The following EIF3G variants were observed in gnomAD, a reference collection of about 807,000 sequenced individuals.
EIF3G encodes the protein eukaryotic translation initiation factor 3 RNA-binding subunit.
Under a neutral mutation model 41.7 loss-of-function variants are expected in EIF3G, and 10 were observed. The observed-to-expected ratio is 0.24, with a 90% CI of 0.15 to 0.41. The LOEUF (loss-of-function observed/expected upper bound fraction) is 0.41. Ranked by LOEUF, EIF3G falls within the 10% of genes least tolerant of loss-of-function variation. The pLI, the probability that EIF3G is intolerant of heterozygous loss-of-function variation, is 1.00. For synonymous variants in EIF3G, 204 were observed against 172.5 expected (o/e 1.18, Z -1.43); for missense variants, 297 against 444.0 (o/e 0.67, Z 2.98).
intron 9 of EIF3G, 29 bp from the exon 10 acceptor site, chr19:10,115,614 C>G: frequency 6.2e-7 from 1 of 1,610,826 alleles, no homozygotes; most frequent in Non-Finnish European, 8.5e-7. Context: ...GGGTCGGGCA[C>G]GAGCTAGGAC....
chr19:10,115,324 T>G, intron 10 of EIF3G, 155 bp downstream of exon 10: 1 of 1,124,058 alleles, frequency 8.9e-7, no homozygotes, highest in Non-Finnish European at 1.2e-6. Context: ...CTGCCACCCC[T>G]CTGCCCGGTT....
rs1224573301 is a variant in EIF3G at position 10,119,695 on chromosome 19, T to C, written c.26A>G (p.Lys9Arg). ...CTCCACCTGGTCGGCCCAACTGGGCTTCGAACTGCGGAAACAAATGTGTGG... is the reference window on the plus strand; with the variant it reads ...CTCCACCTGGTCGGCCCAACTGGGCCTCGAACTGCGGAAACAAATGTGTGG... MPTGDFDS[K>R]PSWADQVEEE... Residue 9 changes from lysine (K) to arginine (R), a missense_variant, in exon 2 of 11, where the codon AAG becomes AGG. This residue lies in a region of EIF3G where 147 missense variants were observed against 162.4 expected (regional missense o/e 0.91). Transcript: ENST00000253108. 4 of 1,604,198 alleles carry C rather than the reference T, an allele frequency of 2.5e-6. No homozygotes were observed. In the African/African-American group the frequency reaches 5.3e-5, roughly 21 times the overall value.
At position 10,115,779 on chromosome 19, in the gene EIF3G, C is replaced by T. The variant is rs766409457; in HGVS notation, c.745G>A (p.Asp249Asn). ...TCCTGCAGGTCGGTCTCACGCGTGT[C>T]CTCTGACAAGTTGGTGACACGGATG... The part of the protein sequence containing the change: ...ATIRVTNLSE[D>N]TRETDLQELF... Residue 249 changes from aspartate (D) to asparagine (N), a missense_variant, in exon 9 of 11, where the codon GAC becomes AAC. Transcript: ENST00000253108. 1 of 1,614,028 alleles carries T rather than the reference C, an allele frequency of 6.2e-7. No homozygotes were observed. Among genetic ancestry groups the T allele is most frequent in the Non-Finnish European group, 8.5e-7 (1 of 1,180,040 alleles).
chr19:10,119,502 G>A (rs1309803830), intron 2 of EIF3G, 152 bp downstream of exon 2: 1 of 988,462 alleles, frequency 1.0e-6, no homozygotes, highest in Non-Finnish European at 1.6e-6. Flanking sequence ...GGGAACACCT[G>A]GAGTTGGCAA....
chr19:10,116,845 C>T lies in EIF3G; in HGVS notation c.550G>A (p.Glu184Lys), dbSNP rs1315028177. Residue 184 changes from glutamate to lysine, a missense_variant, in exon 7 of 11, where the codon GAG (glutamate) becomes AAG (lysine). By Grantham distance (56) the Glu-to-Lys change is moderately conservative. Coordinates refer to ENST00000253108, the MANE Select transcript of EIF3G (RefSeq NM_003755.5). This position sits in a 1 kb window ranked among gnomAD's most constrained non-coding sequence, Gnocchi z 4.1. ...TCGCCAGTAGACAGGCCCAGCTGCT[C>T]GGCCAGCTCCTTCTGCATGGGCCCC... ...TLGPMQKELA[E>K]QLGLSTGEKE... The T allele has an allele frequency of 1.9e-6, 3 of 1,610,248 alleles. No individual in the cohort carries two copies. Among genetic ancestry groups the T allele is most frequent in the Admixed American group, 1.7e-5 (1 of 59,750 alleles).
intron 8 of EIF3G, 57 bp downstream of exon 8, chr19:10,115,910 A>T: frequency 6.2e-7 from 1 of 1,605,398 alleles, no homozygotes; most frequent in Non-Finnish European, 8.5e-7. Flanking sequence ...CTTCGGGGAT[A>T]ATTACGAGGT....
intron 5 of EIF3G, chr19:10,117,392 C>A (rs2089268873): frequency 2.3e-5 from 13 of 555,896 alleles, no homozygotes; most frequent in Non-Finnish European, 3.8e-5. Context: ...GGCAGGGCAG[C>A]TGTCAGCCTC....
Position 10,119,117 on chromosome 19 carries a change from G to C in EIF3G, c.122C>G (p.Thr41Ser). 6.2e-7 allele frequency: 1 copy of C among 1,602,594 alleles called. No individual in the cohort carries two copies. The highest frequency in any genetic ancestry group is 8.5e-7 in the Non-Finnish European group (1 of 1,174,088). ...LKGIPLATGD[T>S]SPEPELLPGA... ...CGGCAGTAGCTCTGGCTCTGGGCTG[G>C]TGTCACCTGTGGCCAGAGGGATCCC... Residue 41 changes from threonine to serine, a missense_variant, in exon 3 of 11, where the codon ACC (threonine) becomes AGC (serine). This residue lies in a region of EIF3G where 147 missense variants were observed against 162.4 expected (regional missense o/e 0.91). Transcript: ENST00000253108.
rs376608627 is a variant in EIF3G, at chr19:10,115,468, T to C, written c.947+11A>G. On this transcript the variant is annotated intron_variant, in intron 10 of 10. Transcript: ENST00000253108. Reference sequence around the variant, plus strand: ...CAGGGAGCAGGGGCTGGGGCAGGGATGGAGTCTTACTTGGCCCACTCGACG... The same window carrying C: ...CAGGGAGCAGGGGCTGGGGCAGGGACGGAGTCTTACTTGGCCCACTCGACG... 3.0e-5 allele frequency: 48 copies of C among 1,600,144 alleles called. No individual in the cohort carries two copies. In the African/African-American group the frequency reaches 4.5e-4, roughly 15 times the overall value.
At position 10,116,211 on chromosome 19, in the gene EIF3G, G is replaced by A. The variant is rs141568741; in HGVS notation, c.596-137C>T. 6.3e-4 allele frequency: 506 copies of A among 801,854 alleles called. 3 individuals are homozygous for A. The African/African-American group carries it at 7.5e-3, about 12-fold the overall frequency. The allele number at this position is 801,854 out of a possible 1,614,324, so 49.7% of individuals were successfully genotyped here. On this transcript the variant is annotated intron_variant, in intron 7 of 10. Coordinates refer to ENST00000253108, the MANE Select transcript of EIF3G (RefSeq NM_003755.5). The surrounding 1 kb of genome is among the most constrained non-coding windows in gnomAD (Gnocchi z 4.1). ...AAACCACAGGCAGCCAGTTGGCCAC[G>A]AGGACACCAAGGTGACACCTGAGAA...
chr19:10,115,915 C>T (rs2089238521), intron 8 of EIF3G, 52 bp downstream of exon 8: 12 of 1,605,418 alleles, frequency 7.5e-6, no homozygotes, highest in African/African-American at 2.7e-5. Flanking sequence ...GGGATAATTA[C>T]GAGGTGCCGG....
intron 5 of EIF3G, chr19:10,118,466 G>C (rs898526914): frequency 2.7e-5 from 16 of 588,814 alleles, no homozygotes; most frequent in Non-Finnish European, 3.3e-5. Flanking sequence ...TCGGGAGGCT[G>C]AGGCAGGAGA....
intron 10 of EIF3G, 52 bp downstream of exon 10, chr19:10,115,427 A>G: frequency 6.5e-7 from 1 of 1,548,706 alleles, no homozygotes; most frequent in Non-Finnish European, 8.8e-7. Context: ...CACTCCGTGA[A>G]GGTGCTGGGA....
rs1343386787 is a variant in EIF3G at position 10,116,822 on chromosome 19, G to C, written c.573C>G (p.Gly191=). 3 of 1,597,146 alleles carry C rather than the reference G, an allele frequency of 1.9e-6. No homozygotes were observed. The highest frequency in any genetic ancestry group is 2.6e-6 in the Non-Finnish European group (3 of 1,169,562). Residue 191 remains glycine (G), a synonymous_variant, in exon 7 of 11, where the codon GGC becomes GGG. Transcript: ENST00000253108. This position sits in a 1 kb window ranked among gnomAD's most constrained non-coding sequence, Gnocchi z 4.1. The part of the protein sequence containing the change: ...ELAEQLGLST[G]EKEKLPGELE... The stretch of plus-strand genomic sequence containing the variant: ...CACCTCCCGGCAGCTTCTCCTTCTC[G>C]CCAGTAGACAGGCCCAGCTGCTCGG...
chr19:10,117,412 G>GT, intron 5 of EIF3G: 2 of 546,952 alleles, frequency 3.7e-6, no homozygotes, highest in Non-Finnish European at 6.5e-6. Flanking sequence ...CCGGGTCCAG[G>GT]TGACAGCTAC....
At chr19:10,117,278 A>G (rs983475876) in intron 5 of EIF3G, 90 bp from the exon 6 acceptor site, 1 of 923,100 alleles carries the variant, frequency 1.1e-6, no homozygotes, top group African/African-American at 1.7e-5. Context: ...AGCCACCCCC[A>G]GAGTGTCTGG....
chr19:10,115,923 C>A (rs757556891), intron 8 of EIF3G, 44 bp downstream of exon 8: 2 of 1,606,678 alleles, frequency 1.2e-6, no homozygotes, highest in Non-Finnish European at 8.5e-7. Context: ...TACGAGGTGC[C>A]GGGAGGTGCC....
In EIF3G at chr19:10,118,776, C is replaced by G. The variant is rs762080387; in HGVS notation, c.241-49G>C. The stretch of plus-strand genomic sequence containing the variant: ...TCAGGCTCCTGGGACCAAGGGATCT[C>G]CTTTATCAACCTCCTCAACACACCC... On this transcript the variant is annotated intron_variant, in intron 4 of 10. Transcript: ENST00000253108. 4 of 1,611,334 alleles carry G rather than the reference C, an allele frequency of 2.5e-6. No individual in the cohort carries two copies. In the Admixed American group the frequency reaches 5.0e-5, roughly 20 times the overall value.
chr19:10,116,754 G>A lies in EIF3G; in HGVS notation c.595+46C>T. 1.3e-6 allele frequency: 2 copies of A among 1,513,008 alleles called. No individual in the cohort carries two copies. Among genetic ancestry groups the A allele is most frequent in the Non-Finnish European group, 1.8e-6 (2 of 1,127,838 alleles). The allele number at this position is 1,513,008 out of a possible 1,614,324, so 93.7% of individuals were successfully genotyped here. Reference sequence around the variant, plus strand: ...AGATGACAGCACGAAGGCAGCAGTGGGGACAGAACCCGTGCACTGACAGCA... The same window carrying A: ...AGATGACAGCACGAAGGCAGCAGTGAGGACAGAACCCGTGCACTGACAGCA... On this transcript the variant is annotated intron_variant, in intron 7 of 10. Transcript: ENST00000253108. This position sits in a 1 kb window ranked among gnomAD's most constrained non-coding sequence, Gnocchi z 4.1.
Sources: allele counts gnomAD v4.1 joint callset, GRCh38; gene constraint gnomAD v4.1.1; regional missense constraint gnomAD v4.1.1; non-coding constraint Gnocchi (gnomAD v3.1); transcripts MANE v1.5; gene names NCBI Gene and HGNC (gene_info 2026-07-23, HGNC 2026-07-21).